ZMAT4: variants seen among roughly 807,000 people sequenced by gnomAD.
ZMAT4 encodes zinc finger matrin-type 4.
A neutral mutation model predicts 28.7 loss-of-function variants in ZMAT4; 17 were observed. The ratio of observed to expected loss-of-function variants is 0.59; its 90% confidence interval spans 0.41 to 0.89. ZMAT4 has a LOEUF of 0.89. Among genes scored for constraint, ZMAT4 ranks in the 40% least tolerant of loss-of-function variants. The pLI is 0.00. For synonymous variants in ZMAT4, 117 were observed against 109.2 expected, an observed-to-expected ratio of 1.07 and a Z score of -0.44; for missense variants, 240 against 283.8, an observed-to-expected ratio of 0.85 and a Z score of 1.11.
intron 1 of ZMAT4, among the ~76,000 whole-genome samples, chr8:40,833,895 C>T (rs950034513): frequency 1.3e-5 from 2 of 152,148 alleles, no homozygotes; most frequent in Admixed American, 1.3e-4. Flanking sequence ...GGTAGCTTAC[C>T]GTACATCACC....
At chr8:40,654,328 A>G (rs998379572) in intron 5 of ZMAT4, among the ~76,000 whole-genome samples, 4 of 152,234 alleles carry the variant, frequency 2.6e-5, no homozygotes, top group Non-Finnish European at 5.9e-5. Flanking sequence ...CTCACACTGT[A>G]GCCTGTGAAA....
intron 5 of ZMAT4, among the ~76,000 whole-genome samples, chr8:40,587,288 G>T (rs545680994): frequency 1.1e-4 from 16 of 152,184 alleles, no homozygotes; most frequent in African/African-American, 3.9e-4. Context: ...AGGTCTTCTG[G>T]TGGAGGGGAA....
At chr8:40,673,162 G>A (rs1168616603) in intron 5 of ZMAT4, among the ~76,000 whole-genome samples, 4 of 152,066 alleles carry the variant, frequency 2.6e-5, no homozygotes, top group East Asian at 1.9e-4. Context: ...TTGCCCATGC[G>A]TATGTGATTC....
intron 1 of ZMAT4, among the ~76,000 whole-genome samples, chr8:40,849,889 C>A (rs1482571114): frequency 2.0e-5 from 3 of 152,162 alleles, no homozygotes; most frequent in African/African-American, 7.2e-5. Flanking sequence ...ATGCCATCAG[C>A]AAGTGTGCTG....
chr8:40,866,488 C>G (rs568189553), intron 1 of ZMAT4, among the ~76,000 whole-genome samples: 61 of 152,314 alleles, frequency 4.0e-4, no homozygotes, highest in African/African-American at 1.4e-3. Flanking sequence ...TAACGCTGCC[C>G]TGATTTAATT....
intron 1 of ZMAT4, among the ~76,000 whole-genome samples, chr8:40,880,229 C>T (rs918204407): frequency 1.3e-5 from 2 of 151,980 alleles, no homozygotes; most frequent in African/African-American, 2.4e-5. Context: ...ATTAGCCGAG[C>T]GTCGTGGCAC....
At chr8:40,813,329 C>T (rs1047970522) in intron 2 of ZMAT4, among the ~76,000 whole-genome samples, 1 of 152,184 alleles carries the variant, frequency 6.6e-6, no homozygotes, top group Non-Finnish European at 1.5e-5. Flanking sequence ...GATCCCCAAC[C>T]TCATGTTACA....
intron 6 of ZMAT4, among the ~76,000 whole-genome samples, chr8:40,578,616 T>C (rs7825450): frequency 0.21 from 32,476 of 151,890 alleles, 4,580 homozygotes; most frequent in East Asian, 0.71. Context: ...CTCTCTCTCT[T>C]TCAATCTCAA....
rs992736942 is a variant in ZMAT4 at position 40,768,976 on chromosome 8, C to T, written c.103-1246G>A. 2.6e-5 allele frequency among the ~76,000 whole-genome samples: 4 copies of T among 152,176 alleles called. No homozygotes were observed. In the East Asian group the frequency reaches 5.8e-4, roughly 22 times the overall value. On this transcript the variant is annotated intron_variant, in intron 2 of 6. Transcript: ENST00000297737. The stretch of plus-strand genomic sequence containing the variant: ...TTTTCAGAGAACACATAGAAAGTTG[C>T]ATCTTGTTTACAGGATAGATTGTAA...
intron 1 of ZMAT4, among the ~76,000 whole-genome samples, chr8:40,873,772 A>C (rs1213059697): frequency 1.3e-5 from 2 of 152,190 alleles, no homozygotes; most frequent in Non-Finnish European, 2.9e-5. Flanking sequence ...AGCGGTTAGG[A>C]CATGTGACCT....
intron 2 of ZMAT4, among the ~76,000 whole-genome samples, chr8:40,816,987 G>A (rs1463452932): frequency 1.3e-5 from 2 of 152,188 alleles, no homozygotes; most frequent in Admixed American, 1.3e-4. Context: ...AGTTGAGCAT[G>A]TGACTCAGGC....
intron 1 of ZMAT4, among the ~76,000 whole-genome samples, chr8:40,859,435 G>A (rs1038980529): frequency 1.3e-5 from 2 of 151,858 alleles, no homozygotes; most frequent in African/African-American, 4.8e-5. Context: ...CCTGCCGGTG[G>A]CAGTAGAAGT....
chr8:40,629,667 T>C (rs975129067), intron 5 of ZMAT4, among the ~76,000 whole-genome samples: 12 of 151,776 alleles, frequency 7.9e-5, no homozygotes, highest in African/African-American at 2.9e-4. Flanking sequence ...TTTGGTTTTT[T>C]GTCCTTGAGA....
At chr8:40,633,084 C>A (rs1038299376) in intron 5 of ZMAT4, among the ~76,000 whole-genome samples, 1 of 149,154 alleles carries the variant, frequency 6.7e-6, no homozygotes, top group South Asian at 2.2e-4. Context: ...GTTTGGATGA[C>A]GAGAAGATTA....
chr8:40,655,801 C>A (rs1807893298), intron 5 of ZMAT4, among the ~76,000 whole-genome samples: 1 of 151,720 alleles, frequency 6.6e-6, no homozygotes, highest in Admixed American at 6.6e-5. Flanking sequence ...AAAAATTAAG[C>A]CAAAATGAAT....
intron 3 of ZMAT4, among the ~76,000 whole-genome samples, chr8:40,713,921 C>CAAAAAAAAAAA (rs532317102): frequency 4.6e-4 from 23 of 49,968 alleles, no homozygotes; most frequent in African/African-American, 8.0e-4. Flanking sequence ...AAAACAAAAC[C>CAAAAAAAAAAA]AAAAAAAAAA....
intron 2 of ZMAT4, among the ~76,000 whole-genome samples, chr8:40,801,272 G>T (rs1488852476): frequency 1.3e-5 from 2 of 149,418 alleles, no homozygotes; most frequent in African/African-American, 4.9e-5. Flanking sequence ...GTTCACTAAT[G>T]ACTTCTACCA....
At chr8:40,705,726 C>T (rs886410701) in intron 3 of ZMAT4, among the ~76,000 whole-genome samples, 1 of 152,116 alleles carries the variant, frequency 6.6e-6, no homozygotes, top group East Asian at 1.9e-4. Flanking sequence ...ATTTTTGTGG[C>T]AAGAGCACTT....
chr8:40,716,118 G>A (rs1464922799), intron 3 of ZMAT4, among the ~76,000 whole-genome samples: 1 of 152,182 alleles, frequency 6.6e-6, no homozygotes, highest in Non-Finnish European at 1.5e-5. Context: ...TAACTTTAAT[G>A]GAGGGCTTTA....
Sources: allele counts gnomAD v4.1 joint callset (sites outside exome capture counted in the v4.1 genomes callset), GRCh38; gene constraint gnomAD v4.1.1; transcripts MANE v1.5; gene names NCBI Gene and HGNC (gene_info 2026-07-23, HGNC 2026-07-21).